Variants in ZMYND11 observed in about 807,000 individuals in gnomAD.
ZMYND11 encodes zinc finger MYND domain-containing protein 11.
A neutral mutation model predicts 84.9 loss-of-function variants in ZMYND11; 9 were observed. That is an observed-to-expected ratio of 0.11 (90% CI 0.06 to 0.18). The LOEUF (loss-of-function observed/expected upper bound fraction) is 0.18. ZMYND11 is among the 10% of genes least tolerant of loss of function. The pLI is 1.00. For synonymous variants in ZMYND11, 250 were observed against 244.1 expected (o/e 1.02, Z -0.23); for missense variants, 409 against 761.0 (o/e 0.54, Z 5.44).
intron 4 of ZMYND11, among the ~76,000 whole-genome samples, chr10:227,776 G>A (rs1404090724): frequency 6.6e-6 from 1 of 152,120 alleles, no homozygotes; most frequent in African/African-American, 2.4e-5. Context: ...CTTGCTTTCT[G>A]ATCAGGCATA....
chr10:236,089 T>C (rs1256153410), intron 4 of ZMYND11, among the ~76,000 whole-genome samples: 1 of 152,252 alleles, frequency 6.6e-6, no homozygotes, highest in African/African-American at 2.4e-5. Context: ...CCACACCCAC[T>C]CATTTCCTCT....
intron 1 of ZMYND11, among the ~76,000 whole-genome samples, chr10:163,237 T>G (rs1251752600): frequency 6.6e-6 from 1 of 152,140 alleles, no homozygotes; most frequent in African/African-American, 2.4e-5. Flanking sequence ...ACCCCCCCAC[T>G]ACCTGGGAAG....
chr10:236,797 A>G (rs371322793), intron 4 of ZMYND11, 41 bp from the exon 5 acceptor site: 4 of 1,529,440 alleles, frequency 2.6e-6, no homozygotes, highest in Non-Finnish European at 3.6e-6. Flanking sequence ...CATAAGAATG[A>G]TCAGATTTTG....
At position 183,050 on chromosome 10, in the gene ZMYND11, G is replaced by A. The variant is rs1363820614; in HGVS notation, c.116+2922G>A. On this transcript the variant is annotated intron_variant, in intron 2 of 14. Coordinates refer to ENST00000381604, the MANE Select transcript of ZMYND11 (RefSeq NM_001370100.5). ...TTTCTTATTTTGACTGATGAGTGAC[G>A]CCATTATAAAAAAAGCTACACGGTT... is the stretch of plus-strand genomic sequence containing the variant. Among the ~76,000 whole-genome samples, 3 of 152,076 alleles carry A rather than the reference G, an allele frequency of 2.0e-5. No individual in the cohort carries two copies. The East Asian group carries it at 5.8e-4, about 29-fold the overall frequency.
At chr10:232,221 G>A (rs1192827529) in intron 4 of ZMYND11, among the ~76,000 whole-genome samples, 1 of 152,222 alleles carries the variant, frequency 6.6e-6, no homozygotes, top group African/African-American at 2.4e-5. Context: ...TGGTCTGGCT[G>A]ACAGGTACCA....
intron 3 of ZMYND11, among the ~76,000 whole-genome samples, chr10:212,707 A>G (rs7920004): frequency 0.011 from 1,710 of 152,224 alleles, 36 homozygotes; most frequent in African/African-American, 0.038. Flanking sequence ...CCAGGTACTC[A>G]AAGCAAGTTT....
chr10:196,756 G>C (rs939851292), intron 2 of ZMYND11, among the ~76,000 whole-genome samples: 21 of 152,142 alleles, frequency 1.4e-4, no homozygotes, highest in Non-Finnish European at 1.5e-5. Flanking sequence ...GAAACATCCT[G>C]TTTCATTGTA....
rs553405149 is a variant in ZMYND11, at chr10:200,394, AT to A, written c.117-9493del. ...TATATATGTATATATAACAATATAT[AT>A]TATATATACACCCTATATATATAAT... On this transcript the variant is annotated intron_variant, in intron 2 of 14. Transcript: ENST00000381604. Among the ~76,000 whole-genome samples the A allele has an allele frequency of 1.5e-3, 223 of 146,574 alleles. 1 individual carries two copies. Among genetic ancestry groups the A allele is most frequent in the African/African-American group, 4.8e-3 (194 of 40,108 alleles).
rs1953948850 is a variant in ZMYND11 at position 253,973 on chromosome 10, A to G, written c.*1503A>G. ...GGTGACACAAGTTAATTGACAAACT[A>G]CTGCCAAATGGTGCACAATATTTTG... On this transcript the variant is annotated 3_prime_UTR_variant, in exon 15 of 15. Transcript: ENST00000381604. 1 of 152,560 alleles carries G rather than the reference A, an allele frequency of 6.6e-6. No individual in the cohort carries two copies. Among genetic ancestry groups the G allele is most frequent in the African/African-American group, 2.4e-5 (1 of 41,458 alleles). The allele number at this position is 152,560 out of a possible 1,614,324, so 9.5% of individuals were successfully genotyped here. A position where few individuals can be genotyped will look rare whatever the true frequency, so the allele number is the denominator to read the frequency against.
chr10:157,800 C>T (rs1338286198), intron 1 of ZMYND11, among the ~76,000 whole-genome samples: 1 of 152,094 alleles, frequency 6.6e-6, no homozygotes, highest in Non-Finnish European at 1.5e-5. Flanking sequence ...GTATTGTAGC[C>T]GTTACCACCG....
intron 6 of ZMYND11, among the ~76,000 whole-genome samples, chr10:238,051 T>C (rs1950266005): frequency 6.6e-6 from 1 of 152,134 alleles, no homozygotes; most frequent in African/African-American, 2.4e-5. Context: ...GAAAAAAAAG[T>C]AAAGCATAGA....
intron 1 of ZMYND11, among the ~76,000 whole-genome samples, chr10:168,752 G>A (rs1844596381): frequency 6.6e-6 from 1 of 152,144 alleles, no homozygotes; most frequent in Non-Finnish European, 1.5e-5. Flanking sequence ...CCAAAAATTG[G>A]AGAGACAGAT....
intron 3 of ZMYND11, 97 bp from the exon 4 acceptor site, chr10:221,098 A>T (rs2131417699): frequency 1.9e-6 from 2 of 1,067,344 alleles, no homozygotes; most frequent in Middle Eastern, 2.5e-4. Context: ...ATTGTTTATG[A>T]TGCCTAACTT....
At chr10:164,418 G>C (rs985501315) in intron 1 of ZMYND11, among the ~76,000 whole-genome samples, 6 of 152,166 alleles carry the variant, frequency 3.9e-5, no homozygotes, top group African/African-American at 1.4e-4. Flanking sequence ...GTTTAAAACA[G>C]TGATTGTTGC....
intron 1 of ZMYND11, among the ~76,000 whole-genome samples, chr10:161,308 A>G (rs1473738297): frequency 6.6e-6 from 1 of 152,226 alleles, no homozygotes; most frequent in African/African-American, 2.4e-5. Context: ...TGAGATTAAA[A>G]TATTCTGTAA....
chr10:173,948 T>A (rs1845973942), intron 1 of ZMYND11, among the ~76,000 whole-genome samples: 1 of 152,178 alleles, frequency 6.6e-6, no homozygotes, highest in Admixed American at 6.6e-5. Context: ...GCTCAGTCAT[T>A]GCTGGTGGAA....
chr10:251,614 G>A (rs193260999), intron 14 of ZMYND11, among the ~76,000 whole-genome samples: 11 of 152,308 alleles, frequency 7.2e-5, no homozygotes, highest in Admixed American at 7.2e-4. Context: ...CACTGTGGGT[G>A]TCTGTTCATG....
At chr10:144,501 T>TG (rs1838245130) in intron 1 of ZMYND11, among the ~76,000 whole-genome samples, 1 of 152,060 alleles carries the variant, frequency 6.6e-6, no homozygotes, top group Admixed American at 6.6e-5. Flanking sequence ...GGATTACAGA[T>TG]GTGAGCCACC....
At chr10:206,381 G>C (rs574107773) in intron 2 of ZMYND11, among the ~76,000 whole-genome samples, 1 of 152,084 alleles carries the variant, frequency 6.6e-6, no homozygotes, top group South Asian at 2.1e-4. Context: ...TAAATCAATA[G>C]CTCTGTCTTA....
Sources: gnomAD v4.1 joint callset for allele counts (sites outside exome capture counted in the v4.1 genomes callset) on GRCh38, gnomAD v4.1.1 for gene constraint, MANE v1.5 for transcripts, NCBI Gene and HGNC (gene_info 2026-07-23, HGNC 2026-07-21) for gene names.